USP18: variants seen among roughly 807,000 people sequenced by gnomAD.
The protein encoded by USP18 is ubiquitin specific peptidase 18.
In USP18, 11 loss-of-function variants were observed where a neutral mutation model predicts 48.7. The ratio of observed to expected loss-of-function variants is 0.23; its 90% CI spans 0.14 to 0.37. The LOEUF is 0.37. Ranked by LOEUF, USP18 falls within the 10% of genes least tolerant of loss-of-function variation. USP18 has a pLI of 1.00. For missense variants in USP18, 285 were observed against 436.4 expected (o/e 0.65, Z 3.09); for synonymous variants, 114 against 163.2 (o/e 0.70, Z 2.30).
chr22:18,172,435 G>C (rs1929656319), intron 8 of USP18, among the ~76,000 whole-genome samples: 1 of 152,094 alleles, frequency 6.6e-6, no homozygotes, highest in Non-Finnish European at 1.5e-5. Context: ...TGTAATCTAT[G>C]TGGTTTGTTT....
chr22:18,174,330 C>T (rs1411399617), intron 10 of USP18, among the ~76,000 whole-genome samples: 1 of 151,368 alleles, frequency 6.6e-6, no homozygotes, highest in African/African-American at 2.4e-5. Context: ...CAGGTTCAAG[C>T]GATTCTCCTG....
intron 1 of USP18, 72 bp from the exon 2 acceptor site, chr22:18,157,486 C>T (rs901781031): frequency 1.2e-5 from 9 of 773,220 alleles, no homozygotes; most frequent in African/African-American, 8.7e-5. Context: ...TGCTCTTTGG[C>T]ATCAGAACGG....
intron 7 of USP18, 117 bp from the exon 8 acceptor site, chr22:18,170,636 C>G: frequency 7.6e-7 from 1 of 1,308,310 alleles, no homozygotes; most frequent in East Asian, 2.4e-5. Context: ...GAGCCTTGAA[C>G]TCCGTGATGT....
At position 18,167,117 on chromosome 22, in the gene USP18, G is replaced by T. The variant is rs181221287; in HGVS notation, c.401-138G>T. 402 of 943,498 alleles carry T rather than the reference G, an allele frequency of 4.3e-4. 1 individual carries two copies. The highest frequency in any genetic ancestry group is 6.1e-4 in the Non-Finnish European group (380 of 623,426). The allele number at this position is 943,498 out of a possible 1,614,324, so 58.4% of individuals were successfully genotyped here. On this transcript the variant is annotated intron_variant, in intron 4 of 10. Transcript: ENST00000215794. ...TCATTTATTGATCACTTCTTCTGTCGTGCCAACTTAGCCTTGCAGTGGGGT... is the reference window on the plus strand; with the variant it reads ...TCATTTATTGATCACTTCTTCTGTCTTGCCAACTTAGCCTTGCAGTGGGGT...
intron 1 of USP18, among the ~76,000 whole-genome samples, chr22:18,152,115 G>A (rs925803980): frequency 4.6e-5 from 7 of 152,172 alleles, no homozygotes; most frequent in Admixed American, 2.6e-4. Flanking sequence ...ACACGTCATC[G>A]AGACTGCGGT....
At chr22:18,163,622 C>G (rs1322186083) in intron 4 of USP18, among the ~76,000 whole-genome samples, 1 of 148,632 alleles carries the variant, frequency 6.7e-6, no homozygotes, top group Non-Finnish European at 1.5e-5. Context: ...CAGCCTGGGC[C>G]ACAGAGCAAG....
In USP18 at chr22:18,161,882, A is replaced by T. The variant is rs577162433; in HGVS notation, c.347A>T (p.Lys116Ile). 21 of 1,614,066 alleles carry T rather than the reference A, an allele frequency of 1.3e-5. No homozygotes were observed. In the South Asian group the frequency reaches 2.2e-4, roughly 17 times the overall value. ...GAGAAGATGCAGGACAGCCGGCAGA[A>T]AGCAGTGCGGCCCCTGGAGCTGGCC... ...LLEKMQDSRQ[K>I]AVRPLELAYC... The change falls in exon 4 of 11, where the codon AAA (lysine) becomes ATA (isoleucine). Residue 116 changes from lysine (K) to isoleucine (I), a missense_variant. By Grantham distance (102) the Lys-to-Ile change is moderately radical. Coordinates refer to ENST00000215794, the MANE Select transcript of USP18 (RefSeq NM_017414.4).
At chr22:18,162,025 G>A in intron 4 of USP18, 90 bp downstream of exon 4, 1 of 1,471,422 alleles carries the variant, frequency 6.8e-7, no homozygotes, top group Non-Finnish European at 9.0e-7. Context: ...GGGCAGTGAA[G>A]CAACAAGAAG....
Position 18,161,932 on chromosome 22 carries a change from C to T in USP18, c.397C>T (p.Pro133Ser). 2 of 1,611,360 alleles carry T rather than the reference C, an allele frequency of 1.2e-6. No individual in the cohort carries two copies. Among genetic ancestry groups the T allele is most frequent in the Non-Finnish European group, 1.7e-6 (2 of 1,178,562 alleles). The change falls in exon 4 of 11, where the codon CCC becomes TCC. Residue 133 changes from proline to serine, a missense_variant. By Grantham distance (74) the Pro-to-Ser change is moderately conservative. Around this residue, in one of 5 missense-constraint regions of USP18, gnomAD observed 199 missense variants for 239.6 expected, o/e 0.83. Coordinates refer to ENST00000215794, the MANE Select transcript of USP18 (RefSeq NM_017414.4). ...CTACTGCCTGCAGAAGTGCAACGTGCCCTGTAAGATACCCTCCCACTGGGC... is the reference window on the plus strand; with the variant it reads ...CTACTGCCTGCAGAAGTGCAACGTGTCCTGTAAGATACCCTCCCACTGGGC... ...LAYCLQKCNV[P>S]LFVQHDAAQL...
At chr22:18,156,331 A>C (rs538741254) in intron 1 of USP18, among the ~76,000 whole-genome samples, 2 of 152,238 alleles carry the variant, frequency 1.3e-5, no homozygotes, top group South Asian at 2.1e-4. Flanking sequence ...AGAGAATAAA[A>C]GCAGGCTGCC....
At chr22:18,159,710 C>G (rs1245749765) in intron 2 of USP18, among the ~76,000 whole-genome samples, 2 of 118,866 alleles carry the variant, frequency 1.7e-5, no homozygotes, top group African/African-American at 3.3e-5. Context: ...GAGTCTCGCT[C>G]TGTTGCCCAG....
At chr22:18,169,098 TAC>T (rs1464171289) in intron 6 of USP18, among the ~76,000 whole-genome samples, 1 of 150,230 alleles carries the variant, frequency 6.7e-6, no homozygotes, top group East Asian at 1.9e-4. Flanking sequence ...CTGTAACTGA[TAC>T]AGTTTGGGAC....
intron 1 of USP18, among the ~76,000 whole-genome samples, chr22:18,151,743 G>C (rs1452452777): frequency 6.6e-6 from 1 of 151,740 alleles, no homozygotes; most frequent in Non-Finnish European, 1.5e-5. Flanking sequence ...GTTCTAACCC[G>C]CATATTACGA....
intron 2 of USP18, 136 bp downstream of exon 2, chr22:18,157,956 G>A (rs1166792471): frequency 2.4e-6 from 3 of 1,271,056 alleles, no homozygotes; most frequent in East Asian, 4.9e-5. Flanking sequence ...TCTTTTAGAT[G>A]GGGATACAGC....
chr22:18,168,754 T>C lies in USP18; in HGVS notation c.627+718T>C, dbSNP rs183508009. On this transcript the variant is annotated intron_variant, in intron 6 of 10. Coordinates refer to ENST00000215794, the MANE Select transcript of USP18 (RefSeq NM_017414.4). ...GGGGATTCAGTTTCAACCTGGGTTT[T>C]GGGGAGGACAAACCCTCAAACCATT... is the stretch of plus-strand genomic sequence containing the variant. Among the ~76,000 whole-genome samples the C allele has an allele frequency of 1.5e-3, 230 of 152,260 alleles. 1 individual carries two copies. Among genetic ancestry groups the C allele is most frequent in the Middle Eastern group, 3.4e-3 (1 of 294 alleles).
Position 18,161,061 on chromosome 22 carries a change from C to G in USP18, c.255-729C>G, listed in dbSNP as rs139493571. Among the ~76,000 whole-genome samples, 1,213 of 152,176 alleles carry G rather than the reference C, an allele frequency of 8.0e-3. 18 individuals are homozygous for G. The highest frequency in any genetic ancestry group is 0.028 in the African/African-American group (1,161 of 41,458). ...CTGGGATTACAGGCATGAGCCACTG[C>G]GCCCGGCCAGGTATTGGTACTTTTT... On this transcript the variant is annotated intron_variant, in intron 3 of 10. Transcript: ENST00000215794.
Position 18,160,167 on chromosome 22 carries a change from T to G in USP18, c.158-5T>G, listed in dbSNP as rs192782451. On this transcript the variant is annotated splice_region_variant and splice_polypyrimidine_tract_variant and intron_variant, in intron 2 of 10. Transcript: ENST00000215794. The stretch of plus-strand genomic sequence containing the variant: ...CCTCAGCATTTTTTTCTCTTCCCCT[T>G]ATAGGCCTGGTTGGTTTACACAACA... 969 of 1,613,882 alleles carry G rather than the reference T, an allele frequency of 6.0e-4. 4 individuals carry two copies. In the African/African-American group the frequency reaches 0.011, roughly 19 times the overall value.
chr22:18,171,669 A>G (rs1929630252), intron 8 of USP18, among the ~76,000 whole-genome samples: 1 of 152,050 alleles, frequency 6.6e-6, no homozygotes, highest in African/African-American at 2.4e-5. Flanking sequence ...AAAAGACACA[A>G]ATATCTTTTT....
At chr22:18,169,199 G>T (rs3994300) in intron 6 of USP18, among the ~76,000 whole-genome samples, 3 of 152,224 alleles carry the variant, frequency 2.0e-5, no homozygotes, top group East Asian at 1.9e-4. Context: ...CATGGGGGAG[G>T]GTTTCTCGTG....
Sources: gnomAD v4.1 joint callset for allele counts (sites outside exome capture counted in the v4.1 genomes callset) on GRCh38, gnomAD v4.1.1 for gene constraint, gnomAD v4.1.1 regional missense constraint, MANE v1.5 for transcripts, NCBI Gene and HGNC (gene_info 2026-07-23, HGNC 2026-07-21) for gene names.